PHYHD1: variants seen among roughly 807,000 people sequenced by gnomAD.
PHYHD1 encodes phytanoyl-CoA dioxygenase domain containing 1.
In PHYHD1, 42 loss-of-function variants were observed where a neutral mutation model predicts 43.6. That is an observed-to-expected ratio of 0.96 (90% CI 0.75 to 1.25). The LOEUF is 1.25. PHYHD1 is among the 50% of genes most tolerant of loss of function. The pLI, the probability that PHYHD1 is intolerant of heterozygous loss-of-function variation, is 0.00. For synonymous variants in PHYHD1, 139 were observed against 143.6 expected, an observed-to-expected ratio of 0.97 and a Z score of 0.23; for missense variants, 342 against 370.8, an observed-to-expected ratio of 0.92 and a Z score of 0.64.
intron 3 of PHYHD1, 176 bp from the exon 4 acceptor site, chr9:128,926,862 T>C: frequency 1.2e-6 from 1 of 835,836 alleles, no homozygotes; most frequent in Non-Finnish European, 2.0e-6. Flanking sequence ...TGTTCTTCCA[T>C]TCAAGCAGCC....
Position 128,941,489 on chromosome 9 carries a change from C to G in PHYHD1, c.748C>G (p.Gln250Glu), listed in dbSNP as rs780276843. 1.9e-6 allele frequency: 3 copies of G among 1,614,008 alleles called. No individual in the cohort carries two copies. Among genetic ancestry groups the G allele is most frequent in the South Asian group, 2.2e-5 (2 of 91,078 alleles). The change falls in exon 12 of 13, where the codon CAG becomes GAG. Residue 250 changes from glutamine (Q) to glutamate (E), a missense_variant. Gln to Glu is a conservative substitution (Grantham distance 29). Transcript: ENST00000372592. ...TGGAGAAGTGGTACACAAGAGCAAG[C>G]AGAACCTCTCTGACCGCTCGCGCCA... ...IHGEVVHKSK[Q>E]NLSDRSRQAY...
Position 128,934,074 on chromosome 9 carries a change from G to A in PHYHD1, c.316+16G>A. The A allele has an allele frequency of 6.2e-7, 1 of 1,612,284 alleles. No individual in the cohort carries two copies. The highest frequency in any genetic ancestry group is 8.5e-7 in the Non-Finnish European group (1 of 1,178,580). Reference sequence around the variant, plus strand: ...ATTGGCCACGGTGAGCAGGGGCTTGGGGGTACAGGAAAGAAGATCGGGGAA... The same window carrying A: ...ATTGGCCACGGTGAGCAGGGGCTTGAGGGTACAGGAAAGAAGATCGGGGAA... On this transcript the variant is annotated intron_variant, in intron 6 of 12. Transcript: ENST00000372592.
Position 128,936,509 on chromosome 9 carries a change from C to A in PHYHD1, c.372+6C>A. 1 of 1,613,682 alleles carries A rather than the reference C, an allele frequency of 6.2e-7. No homozygotes were observed. The highest frequency in any genetic ancestry group is 8.5e-7 in the Non-Finnish European group (1 of 1,179,904). ...CACACTCCTTCAAGGTGCAGGTGAG[C>A]AGAGGTGGGGGTGAGGGCCAGGAGG... On this transcript the variant is annotated splice_donor_region_variant and intron_variant, in intron 7 of 12. Coordinates refer to ENST00000372592, the MANE Select transcript of PHYHD1 (RefSeq NM_001100876.2).
chr9:128,922,936 CTTTTTTTT>C (rs59238657), intron 3 of PHYHD1, among the ~76,000 whole-genome samples: 2,100 of 90,802 alleles, frequency 0.023, 68 homozygotes, highest in African/African-American at 0.094. Flanking sequence ...ATGCCCAGCT[CTTTTTTTT>C]TTTTTTTTTT....
chr9:128,924,520 G>C (rs1000804415), intron 3 of PHYHD1, among the ~76,000 whole-genome samples: 1 of 152,000 alleles, frequency 6.6e-6, no homozygotes, highest in African/African-American at 2.4e-5. Flanking sequence ...ACTGAGGCAG[G>C]AGGATTGATT....
At chr9:128,923,669 T>A (rs1841060473) in intron 3 of PHYHD1, among the ~76,000 whole-genome samples, 1 of 152,234 alleles carries the variant, frequency 6.6e-6, no homozygotes, top group Admixed American at 6.5e-5. Context: ...TATGTATATC[T>A]TTGATCCCCT....
chr9:128,928,095 A>C (rs960573913), intron 4 of PHYHD1, among the ~76,000 whole-genome samples: 4 of 152,134 alleles, frequency 2.6e-5, no homozygotes, highest in Admixed American at 2.6e-4. Context: ...ACTCACGCCG[A>C]GGAGCACCTG....
At chr9:128,938,643 G>A (rs1373843477) in intron 9 of PHYHD1, among the ~76,000 whole-genome samples, 13 of 150,020 alleles carry the variant, frequency 8.7e-5, no homozygotes, top group African/African-American at 2.9e-4. Context: ...GGCTGGTCTC[G>A]AACTCCTGAC....
chr9:128,929,116 C>T (rs1174743187), intron 4 of PHYHD1, among the ~76,000 whole-genome samples: 3 of 151,774 alleles, frequency 2.0e-5, no homozygotes, highest in Non-Finnish European at 4.4e-5. Flanking sequence ...ATCGCTTGAG[C>T]CCAGGAATTC....
At chr9:128,933,961 T>A (rs17507817) in intron 5 of PHYHD1, 50 bp from the exon 6 acceptor site, 1 of 1,608,458 alleles carries the variant, frequency 6.2e-7, no homozygotes, top group African/African-American at 1.3e-5. Context: ...CAGCTGCCCA[T>A]GGAAGGCTGG....
chr9:128,935,630 G>A (rs552504937), intron 6 of PHYHD1, among the ~76,000 whole-genome samples: 1 of 151,410 alleles, frequency 6.6e-6, no homozygotes, highest in Non-Finnish European at 1.5e-5. Context: ...TTGGCCGGGC[G>A]CGGTGGTTCA....
intron 6 of PHYHD1, among the ~76,000 whole-genome samples, chr9:128,934,924 CCCCTAACAG>C (rs1216651567): frequency 6.6e-6 from 1 of 152,074 alleles, no homozygotes; most frequent in Non-Finnish European, 1.5e-5. Context: ...CACCTGATCC[CCCCTAACAG>C]GTGGGCATGT....
At chr9:128,931,610 C>T (rs1374349295) in intron 4 of PHYHD1, among the ~76,000 whole-genome samples, 3 of 152,102 alleles carry the variant, frequency 2.0e-5, no homozygotes, top group South Asian at 2.1e-4. Context: ...CTGCAAGCTC[C>T]GCCTCCTGGG....
Position 128,921,983 on chromosome 9 carries a change from C to A in PHYHD1, c.-106C>A. ...CTCAGAGTCACAGGGAATGGCGGCG[C>A]CTGGACTGGGACTCAGCCCAGCTGC... On this transcript the variant is annotated 5_prime_UTR_variant, in exon 2 of 13. Coordinates refer to ENST00000372592, the MANE Select transcript of PHYHD1 (RefSeq NM_001100876.2). 3.0e-6 allele frequency: 1 copy of A among 336,552 alleles called. No individual in the cohort carries two copies. Among genetic ancestry groups the A allele is most frequent in the Non-Finnish European group, 5.4e-6 (1 of 183,828 alleles). 20.8% of individuals were successfully genotyped at this position (336,552 alleles called of 1,614,324 possible).
intron 4 of PHYHD1, among the ~76,000 whole-genome samples, chr9:128,931,729 G>A (rs1421826959): frequency 2.6e-5 from 4 of 151,660 alleles, no homozygotes; most frequent in Non-Finnish European, 5.9e-5. Context: ...GGGTTTCACC[G>A]TGTTAGCCAA....
At chr9:128,922,233 A>C (rs1390795855) in intron 2 of PHYHD1, 50 bp from the exon 3 acceptor site, 12 of 1,487,496 alleles carry the variant, frequency 8.1e-6, no homozygotes, top group Non-Finnish European at 1.0e-5. Context: ...TTCTCCGGGT[A>C]GGGAAGGGTT....
rs554440250 is a variant in PHYHD1, at chr9:128,940,539, C to A, written c.586+42C>A. 793 of 1,613,864 alleles carry A rather than the reference C, an allele frequency of 4.9e-4. 5 individuals carry two copies. In the South Asian group the frequency reaches 5.9e-3, roughly 12 times the overall value. ...CTTCTGCCCACTTGGGACTCCCCACCCCCTAGGGAGAGGGACCTTGAGAAA... is the reference window on the plus strand; with the variant it reads ...CTTCTGCCCACTTGGGACTCCCCACACCCTAGGGAGAGGGACCTTGAGAAA... On this transcript the variant is annotated intron_variant, in intron 10 of 12. Coordinates refer to ENST00000372592, the MANE Select transcript of PHYHD1 (RefSeq NM_001100876.2).
At chr9:128,923,133 A>G (rs907907988) in intron 3 of PHYHD1, among the ~76,000 whole-genome samples, 2 of 152,164 alleles carry the variant, frequency 1.3e-5, no homozygotes, top group African/African-American at 4.8e-5. Context: ...TAGTAGAGAC[A>G]GGATTTCACC....
rs910743614 is a variant in PHYHD1, at chr9:128,940,226, G to T, written c.458-143G>T. The T allele has an allele frequency of 6.1e-6, 8 of 1,319,584 alleles. No individual in the cohort carries two copies. In the East Asian group the frequency reaches 1.9e-4, roughly 31 times the overall value. 81.7% of individuals were successfully genotyped at this position (1,319,584 alleles called of 1,614,324 possible). A position where few individuals can be genotyped will look rare whatever the true frequency, so the allele number is the denominator to read the frequency against. On this transcript the variant is annotated intron_variant, in intron 9 of 12. Transcript: ENST00000372592. ...GAAATCGCTTGCCTTAGAGTCCTGG[G>T]CCAGGAAGTGATGAGATTCTAACTG...
Sources: allele counts gnomAD v4.1 joint callset (sites outside exome capture counted in the v4.1 genomes callset), GRCh38; gene constraint gnomAD v4.1.1; transcripts MANE v1.5; gene names NCBI Gene and HGNC (gene_info 2026-07-23, HGNC 2026-07-21).